ZFAND6: variants seen among roughly 807,000 people sequenced by gnomAD.
The protein encoded by ZFAND6 is AN1-type zinc finger protein 6.
Under a neutral mutation model 24.5 loss-of-function variants are expected in ZFAND6, and 12 were observed. The ratio of observed to expected loss-of-function variants is 0.49; its 90% confidence interval spans 0.31 to 0.79. ZFAND6 has a LOEUF of 0.79. Among genes scored for constraint, ZFAND6 ranks in the 30% least tolerant of loss-of-function variants. ZFAND6 has a pLI of 0.04. For missense variants in ZFAND6, 207 were observed against 245.9 expected, an observed-to-expected ratio of 0.84 and a Z score of 1.06; for synonymous variants, 92 against 81.5, an observed-to-expected ratio of 1.13 and a Z score of -0.69.
At chr15:80,064,663 C>G (rs2036518027) in intron 1 of ZFAND6, among the ~76,000 whole-genome samples, 1 of 151,980 alleles carries the variant, frequency 6.6e-6, no homozygotes, top group South Asian at 2.1e-4. Flanking sequence ...TTTTTTGAGA[C>G]ACGGTCTTGC....
intron 6 of ZFAND6, among the ~76,000 whole-genome samples, chr15:80,132,962 T>C (rs1222252207): frequency 1.3e-5 from 2 of 148,578 alleles, no homozygotes; most frequent in Non-Finnish European, 3.0e-5. Context: ...AAAAGGAAAT[T>C]TGTGAAGCCA....
chr15:80,110,665 A>G (rs934319122), intron 2 of ZFAND6, among the ~76,000 whole-genome samples: 1 of 152,126 alleles, frequency 6.6e-6, no homozygotes, highest in Non-Finnish European at 1.5e-5. Context: ...GTAGAATAGA[A>G]TAGAGAGCCT....
intron 1 of ZFAND6, among the ~76,000 whole-genome samples, chr15:80,065,827 G>C (rs879640334): frequency 6.6e-6 from 1 of 151,982 alleles, no homozygotes; most frequent in Non-Finnish European, 1.5e-5. Context: ...TTACAGGCGT[G>C]ACCCACTGTG....
At chr15:80,086,926 G>A (rs1781815123) in intron 1 of ZFAND6, among the ~76,000 whole-genome samples, 1 of 152,160 alleles carries the variant, frequency 6.6e-6, no homozygotes, top group African/African-American at 2.4e-5. Flanking sequence ...CTGTCCTTTT[G>A]TAGTGTGGCT....
chr15:80,066,103 G>C (rs533422123), intron 1 of ZFAND6, among the ~76,000 whole-genome samples: 1 of 152,138 alleles, frequency 6.6e-6, no homozygotes, highest in South Asian at 2.1e-4. Context: ...TACAAGACAA[G>C]GTCTCTTGCC....
intron 2 of ZFAND6, chr15:80,111,377 T>C: frequency 2.6e-6 from 1 of 389,408 alleles, no homozygotes; most frequent in Non-Finnish European, 5.1e-6. Context: ...ACTCTTGCAG[T>C]CAACCCTGCC....
intron 1 of ZFAND6, among the ~76,000 whole-genome samples, chr15:80,070,691 T>TA (rs2036927348): frequency 6.6e-6 from 1 of 152,244 alleles, no homozygotes; most frequent in Non-Finnish European, 1.5e-5. Flanking sequence ...ATTTGTTTCA[T>TA]AATTAACTTC....
chr15:80,097,479 T>C (rs116933034), intron 1 of ZFAND6, among the ~76,000 whole-genome samples: 5,145 of 151,994 alleles, frequency 0.034, 277 homozygotes, highest in East Asian at 0.22. Context: ...GAAACTCTGT[T>C]TCTACAAAAA....
chr15:80,131,034 T>C, intron 5 of ZFAND6, 146 bp from the exon 6 acceptor site: 1 of 539,700 alleles, frequency 1.9e-6, no homozygotes, highest in Non-Finnish European at 3.2e-6. Context: ...GTCATATTTT[T>C]GTAAACAACT....
At chr15:80,087,901 A>G (rs1256894824) in intron 1 of ZFAND6, among the ~76,000 whole-genome samples, 14 of 152,280 alleles carry the variant, frequency 9.2e-5, no homozygotes, top group East Asian at 1.9e-4. Context: ...CATACTATAT[A>G]TGCATTGTAT....
intron 5 of ZFAND6, chr15:80,129,786 G>A (rs973037238): frequency 6.6e-6 from 1 of 152,224 alleles, no homozygotes; most frequent in Non-Finnish European, 1.5e-5. Context: ...AGTGGAGGAA[G>A]AGCTGATTAT....
chr15:80,111,327 T>C lies in ZFAND6; in HGVS notation c.-17-9001T>C, dbSNP rs1347294573. On this transcript the variant is annotated intron_variant, in intron 2 of 6. Coordinates refer to ENST00000261749, the MANE Select transcript of ZFAND6 (RefSeq NM_019006.4). ...GCAGGTATTGGTTCCAGGACCCCCC[T>C]CATCCCACCCCTGCAGACACCAGAA... 20 of 344,902 alleles carry C rather than the reference T, an allele frequency of 5.8e-5. No individual in the cohort carries two copies. In the East Asian group the frequency reaches 1.5e-3, roughly 26 times the overall value. 21.4% of individuals were successfully genotyped at this position (344,902 alleles called of 1,614,324 possible).
intron 1 of ZFAND6, among the ~76,000 whole-genome samples, chr15:80,088,825 G>A (rs1429246733): frequency 6.6e-6 from 1 of 152,148 alleles, no homozygotes; most frequent in Non-Finnish European, 1.5e-5. Flanking sequence ...TAGCTCCTTA[G>A]TTGCACTAGC....
intron 1 of ZFAND6, among the ~76,000 whole-genome samples, chr15:80,081,311 T>A (rs2037652975): frequency 6.6e-6 from 1 of 152,172 alleles, no homozygotes. Context: ...TGTAAAATGG[T>A]CCTTTTCTGG....
intron 2 of ZFAND6, among the ~76,000 whole-genome samples, chr15:80,119,855 C>T (rs1010607859): frequency 6.6e-6 from 1 of 152,096 alleles, no homozygotes; most frequent in African/African-American, 2.4e-5. Context: ...ATATCTTCAC[C>T]AGAAATGATA....
chr15:80,072,864 A>G (rs1422762506), intron 1 of ZFAND6, among the ~76,000 whole-genome samples: 1 of 152,006 alleles, frequency 6.6e-6, no homozygotes, highest in Non-Finnish European at 1.5e-5. Context: ...TTAGTTCAGA[A>G]TATGAGTGTC....
At chr15:80,075,936 G>T (rs1325603538) in intron 1 of ZFAND6, among the ~76,000 whole-genome samples, 1 of 151,920 alleles carries the variant, frequency 6.6e-6, no homozygotes, top group Non-Finnish European at 1.5e-5. Flanking sequence ...ATAGATTTTT[G>T]TAAGTACTAG....
intron 5 of ZFAND6, among the ~76,000 whole-genome samples, chr15:80,124,932 T>C (rs1254813246): frequency 6.6e-6 from 1 of 152,242 alleles, no homozygotes; most frequent in Non-Finnish European, 1.5e-5. Context: ...ATACCCTTTT[T>C]ATTATAAACA....
intron 1 of ZFAND6, among the ~76,000 whole-genome samples, chr15:80,070,181 G>GT: frequency 6.6e-6 from 1 of 152,168 alleles, no homozygotes; most frequent in East Asian, 1.9e-4. Flanking sequence ...GATTCTTTAT[G>GT]TAAGTAGGGT....
Sources: gnomAD v4.1 joint callset for allele counts (sites outside exome capture counted in the v4.1 genomes callset) on GRCh38, gnomAD v4.1.1 for gene constraint, MANE v1.5 for transcripts, NCBI Gene and HGNC (gene_info 2026-07-23, HGNC 2026-07-21) for gene names.